Variants in SYNDIG1 observed in about 807,000 individuals in gnomAD.
SYNDIG1 encodes the protein synapse differentiation inducing 1, also known as synapse differentiation-inducing gene protein 1.
A neutral mutation model predicts 19.4 loss-of-function variants in SYNDIG1; 9 were observed. The observed-to-expected ratio is 0.46, with a 90% CI of 0.28 to 0.81. The LOEUF (loss-of-function observed/expected upper bound fraction) is 0.81. SYNDIG1 is among the 30% of genes least tolerant of loss of function. The pLI is 0.12. For missense variants in SYNDIG1, 311 were observed against 343.3 expected (o/e 0.91, Z 0.74); for synonymous variants, 141 against 145.9 (o/e 0.97, Z 0.24).
chr20:24,557,911 A>G (rs949736746), intron 2 of SYNDIG1, among the ~76,000 whole-genome samples: 6 of 152,190 alleles, frequency 3.9e-5, no homozygotes, highest in Non-Finnish European at 7.3e-5. Context: ...AGCTGTTCCT[A>G]TTCGGCCATC....
In SYNDIG1 at chr20:24,590,885, A is replaced by T. The variant is rs574847866; in HGVS notation, c.618+5892A>T. Among the ~76,000 whole-genome samples, 3 of 152,186 alleles carry T rather than the reference A, an allele frequency of 2.0e-5. No individual in the cohort carries two copies. In the East Asian group the frequency reaches 5.8e-4, roughly 30 times the overall value. On this transcript the variant is annotated intron_variant, in intron 3 of 3. Coordinates refer to ENST00000376862, the MANE Select transcript of SYNDIG1 (RefSeq NM_024893.3). The stretch of plus-strand genomic sequence containing the variant: ...AGCAGCTTCAGGCATGCAGGGAGGG[A>T]CAGCACCGAGGAGCGGACTCCAGAG...
intron 1 of SYNDIG1, among the ~76,000 whole-genome samples, chr20:24,510,407 TAA>T (rs76707708): frequency 4.4e-5 from 6 of 137,792 alleles, no homozygotes; most frequent in Non-Finnish European, 4.7e-5. Flanking sequence ...CATCTGTACT[TAA>T]AAAAAAAAAA....
At chr20:24,613,749 C>G (rs1238714349) in intron 3 of SYNDIG1, among the ~76,000 whole-genome samples, 1 of 152,170 alleles carries the variant, frequency 6.6e-6, no homozygotes, top group African/African-American at 2.4e-5. Context: ...GTGGGGACTT[C>G]AGGGAACATT....
At chr20:24,594,382 A>T (rs1372901072) in intron 3 of SYNDIG1, among the ~76,000 whole-genome samples, 1 of 152,088 alleles carries the variant, frequency 6.6e-6, no homozygotes, top group Non-Finnish European at 1.5e-5. Flanking sequence ...TCATTGGTCT[A>T]TATGTCTGTT....
rs1044268134 is a variant in SYNDIG1, at chr20:24,506,919, C to T, written c.-78-36101C>T. On this transcript the variant is annotated intron_variant, in intron 1 of 3. Transcript: ENST00000376862. The stretch of plus-strand genomic sequence containing the variant: ...AAGAAAGCCTCGGAGCTCATTTAGT[C>T]ATGAGGGGATTCTAGAATAAAGGAA... 3.3e-5 allele frequency among the ~76,000 whole-genome samples: 5 copies of T among 152,222 alleles called. No homozygotes were observed. The South Asian group carries it at 6.2e-4, about 19-fold the overall frequency.
chr20:24,629,709 A>C (rs1346935389), intron 3 of SYNDIG1, among the ~76,000 whole-genome samples: 1 of 152,252 alleles, frequency 6.6e-6, no homozygotes, highest in Non-Finnish European at 1.5e-5. Context: ...TGAAGCTTCA[A>C]AGCTGAAAGT....
intron 3 of SYNDIG1, among the ~76,000 whole-genome samples, chr20:24,649,312 G>A (rs565257253): frequency 6.6e-6 from 1 of 152,292 alleles, no homozygotes; most frequent in East Asian, 1.9e-4. Context: ...TTTCTTTGGT[G>A]GTTCCATTGA....
intron 2 of SYNDIG1, among the ~76,000 whole-genome samples, chr20:24,579,524 G>A (rs187014226): frequency 7.2e-4 from 110 of 152,158 alleles, no homozygotes; most frequent in Non-Finnish European, 1.3e-3. Context: ...TCTATACAAC[G>A]AACGGCACAG....
Position 24,577,542 on chromosome 20 carries a change from C to T in SYNDIG1, c.481-7314C>T, listed in dbSNP as rs536079280. Reference sequence around the variant, plus strand: ...GGGAGTGGAAGCTCTTGCCTGGAGACCTCAAAGGCAGCTGGGTCCACTTCC... The same window carrying T: ...GGGAGTGGAAGCTCTTGCCTGGAGATCTCAAAGGCAGCTGGGTCCACTTCC... On this transcript the variant is annotated intron_variant, in intron 2 of 3. Transcript: ENST00000376862. 3.3e-5 allele frequency among the ~76,000 whole-genome samples: 5 copies of T among 152,318 alleles called. No individual in the cohort carries two copies. The South Asian group carries it at 8.3e-4, about 25-fold the overall frequency.
intron 3 of SYNDIG1, among the ~76,000 whole-genome samples, chr20:24,588,441 T>C (rs1339720197): frequency 1.3e-5 from 2 of 152,246 alleles, no homozygotes; most frequent in East Asian, 1.9e-4. Flanking sequence ...GCTGGAGCCA[T>C]GCACCCTTGC....
At chr20:24,488,160 C>CACTCA (rs10627332) in intron 1 of SYNDIG1, among the ~76,000 whole-genome samples, 15,940 of 152,106 alleles carry the variant, frequency 0.1, 2,088 homozygotes, top group African/African-American at 0.31. Context: ...TCTATATTTA[C>CACTCA]ACTCAACAAT....
At chr20:24,615,679 A>C (rs1457099786) in intron 3 of SYNDIG1, among the ~76,000 whole-genome samples, 1 of 152,088 alleles carries the variant, frequency 6.6e-6, no homozygotes, top group Non-Finnish European at 1.5e-5. Context: ...TTATCCCCAC[A>C]CTGCTGTCCC....
intron 2 of SYNDIG1, among the ~76,000 whole-genome samples, chr20:24,578,944 C>A (rs1052698220): frequency 6.6e-6 from 1 of 152,220 alleles, no homozygotes; most frequent in African/African-American, 2.4e-5. Flanking sequence ...TTAGTGCTTC[C>A]CCTTGCCTCG....
At chr20:24,601,757 T>C (rs2058682540) in intron 3 of SYNDIG1, among the ~76,000 whole-genome samples, 1 of 152,176 alleles carries the variant, frequency 6.6e-6, no homozygotes, top group Admixed American at 6.5e-5. Flanking sequence ...CCTCATTTCT[T>C]CCTAAATTTT....
intron 1 of SYNDIG1, among the ~76,000 whole-genome samples, chr20:24,485,723 T>C (rs554764141): frequency 4.6e-5 from 7 of 152,332 alleles, no homozygotes; most frequent in African/African-American, 1.7e-4. Context: ...GGCTGAGTGT[T>C]ACTCAGGAGC....
intron 1 of SYNDIG1, among the ~76,000 whole-genome samples, chr20:24,477,961 G>A (rs138047241): frequency 6.6e-6 from 1 of 152,166 alleles, no homozygotes. Flanking sequence ...CAGCATTACC[G>A]ACCTCAGGAT....
intron 1 of SYNDIG1, among the ~76,000 whole-genome samples, chr20:24,515,631 G>A (rs1279983194): frequency 6.6e-6 from 1 of 151,846 alleles, no homozygotes; most frequent in Non-Finnish European, 1.5e-5. Context: ...CAACTTACAA[G>A]GGATGTGAAG....
At chr20:24,660,507 C>T (rs1159759737) in intron 3 of SYNDIG1, among the ~76,000 whole-genome samples, 4 of 152,152 alleles carry the variant, frequency 2.6e-5, no homozygotes, top group Non-Finnish European at 5.9e-5. Flanking sequence ...GGAGGAAGGG[C>T]CTCCTCTCTT....
intron 3 of SYNDIG1, among the ~76,000 whole-genome samples, chr20:24,638,482 C>T (rs776227825): frequency 9.9e-5 from 15 of 152,110 alleles, no homozygotes; most frequent in Admixed American, 1.3e-4. Flanking sequence ...AGCCCCTTCC[C>T]GAGACGCTGG....
Sources: allele counts gnomAD v4.1 joint callset (sites outside exome capture counted in the v4.1 genomes callset), GRCh38; gene constraint gnomAD v4.1.1; transcripts MANE v1.5; gene names NCBI Gene and HGNC (gene_info 2026-07-23, HGNC 2026-07-21).